The following IL7 variants were observed in gnomAD, a reference collection of about 807,000 sequenced individuals.
IL7 encodes interleukin-7.
IL7 carries 3 observed loss-of-function variants against 21.6 expected under a neutral mutation model. The ratio of observed to expected loss-of-function variants is 0.14; its 90% confidence interval spans 0.06 to 0.36. IL7 has a LOEUF of 0.36. Among genes scored for constraint, IL7 ranks in the 10% least tolerant of loss-of-function variants. The pLI is 1.00. For missense variants in IL7, 175 were observed against 200.2 expected (o/e 0.87, Z 0.76); for synonymous variants, 62 against 68.1 (o/e 0.91, Z 0.44).
intron 5 of IL7, among the ~76,000 whole-genome samples, chr8:78,735,276 C>CTTTTTTTTTTTTTTTTTTTTTTT: frequency 1.7e-4 from 13 of 78,450 alleles, no homozygotes; most frequent in Admixed American, 3.0e-4. Flanking sequence ...CTTTTCTTTT[C>CTTTTTTTTTTTTTTTTTTTTTTT]TTTTTTTTTT....
rs144183025 is a variant in IL7 at position 78,679,548 on chromosome 8, T to G, written n.274-3444A>C. ...ATTCATGGTTGACTGAATCCATGGA[T>G]GCACAAGCCATGAATATGGAACCCA... is the stretch of plus-strand genomic sequence containing the variant. On this transcript the variant is annotated intron_variant and non_coding_transcript_variant, in intron 4 of 4. Transcript: ENST00000523959. Among the ~76,000 whole-genome samples the G allele has an allele frequency of 6.6e-3, 998 of 152,268 alleles. 12 individuals are homozygous for G. The highest frequency in any genetic ancestry group is 0.022 in the African/African-American group (905 of 41,540).
intron 4 of IL7, among the ~76,000 whole-genome samples, chr8:78,737,658 C>T (rs569980863): frequency 6.6e-6 from 1 of 152,164 alleles, no homozygotes; most frequent in African/African-American, 2.4e-5. Flanking sequence ...GATAATCTTA[C>T]CATTTTACCT....
At chr8:78,760,455 G>A (rs1586078284) in intron 2 of IL7, 2 of 1,556,848 alleles carry the variant, frequency 1.3e-6, no homozygotes, top group African/African-American at 2.8e-5. Flanking sequence ...GTGGACGGAA[G>A]CTCTATATCT....
Position 78,727,239 on chromosome 8 carries a change from G to A in IL7, n.268-5799C>T, listed in dbSNP as rs574603024. The stretch of plus-strand genomic sequence containing the variant: ...TCATTGTGATTTGGAGCAAATTCAT[G>A]TGAGACTGTGGTTGTAATTCCTGGC... On this transcript the variant is annotated intron_variant and non_coding_transcript_variant, in intron 3 of 6. Coordinates refer to the IL7 transcript ENST00000519833. 1.4e-4 allele frequency among the ~76,000 whole-genome samples: 22 copies of A among 152,130 alleles called. No homozygotes were observed. The South Asian group carries it at 4.4e-3, about 30-fold the overall frequency.
chr8:78,712,166 A>G (rs979669713), intron 3 of IL7: 6 of 983,708 alleles, frequency 6.1e-6, no homozygotes, highest in Admixed American at 2.8e-5. Flanking sequence ...AAAGCTTTAT[A>G]TAATGGAATA....
chr8:78,675,315 C>G (rs1809545847), downstream of IL7, among the ~76,000 whole-genome samples: 1 of 151,782 alleles, frequency 6.6e-6, no homozygotes, highest in South Asian at 2.1e-4. Flanking sequence ...TAGCATTGTA[C>G]TTTCTATTGT....
In IL7 at chr8:78,755,675, T is replaced by C. The variant is rs537462066; in HGVS notation, c.148-15593A>G. Among the ~76,000 whole-genome samples the C allele has an allele frequency of 1.6e-3, 244 of 152,190 alleles. 2 individuals carry two copies. Among genetic ancestry groups the C allele is most frequent in the African/African-American group, 5.5e-3 (227 of 41,554 alleles). On this transcript the variant is annotated intron_variant, in intron 2 of 5. Transcript: ENST00000263851. Reference sequence around the variant, plus strand: ...AAAAAATGCTACTGATTCTCGTATGTTAATTTTGTATCTGGCAACTTTACT... The same window carrying C: ...AAAAAATGCTACTGATTCTCGTATGCTAATTTTGTATCTGGCAACTTTACT...
intron 1 of IL7, among the ~76,000 whole-genome samples, chr8:78,801,445 T>C (rs775789258): frequency 2.0e-5 from 3 of 152,164 alleles, no homozygotes; most frequent in Non-Finnish European, 4.4e-5. Context: ...AAACAGACTC[T>C]ACTTGGGAGG....
intron 2 of IL7, among the ~76,000 whole-genome samples, chr8:78,781,478 C>T (rs375112943): frequency 1.3e-5 from 2 of 152,134 alleles, no homozygotes; most frequent in Admixed American, 6.6e-5. Context: ...GCTTATGAAG[C>T]TTAGTTTCAC....
At chr8:78,751,102 A>T (rs1563420285) in intron 2 of IL7, among the ~76,000 whole-genome samples, 1 of 151,678 alleles carries the variant, frequency 6.6e-6, no homozygotes, top group Non-Finnish European at 1.5e-5. Flanking sequence ...AAAAAAAAAA[A>T]AACTGATAAA....
chr8:78,751,478 G>T (rs1812170805), intron 2 of IL7, among the ~76,000 whole-genome samples: 2 of 152,168 alleles, frequency 1.3e-5, no homozygotes, highest in Non-Finnish European at 2.9e-5. Flanking sequence ...AAGTAAACCT[G>T]CCTTGCAAGA....
At position 78,780,426 on chromosome 8, in the gene IL7, C is replaced by T. The variant is rs529721406; in HGVS notation, c.147+17646G>A. ...GCTGCATTCCAGAGATTCTGGCACA[C>T]TGCCTCTTTGTTTTCATTGATTTCA... On this transcript the variant is annotated intron_variant, in intron 2 of 5. Coordinates refer to ENST00000263851, the MANE Select transcript of IL7 (RefSeq NM_000880.4). 1.8e-4 allele frequency among the ~76,000 whole-genome samples: 28 copies of T among 152,146 alleles called. No individual in the cohort carries two copies. In the South Asian group the frequency reaches 2.9e-3, roughly 16 times the overall value.
intron 2 of IL7, chr8:78,760,593 T>G (rs1454093300): frequency 6.4e-7 from 1 of 1,560,470 alleles, no homozygotes; most frequent in Non-Finnish European, 8.7e-7. Flanking sequence ...AGTTGTCCCA[T>G]GACTGAGGGT....
chr8:78,732,828 T>A lies in IL7; in HGVS notation c.*885A>T, dbSNP rs1302688383. The A allele has an allele frequency of 1.3e-5, 2 of 152,098 alleles. No individual in the cohort carries two copies. Among genetic ancestry groups the A allele is most frequent in the Non-Finnish European group, 2.9e-5 (2 of 68,002 alleles). 9.4% of individuals were successfully genotyped at this position (152,098 alleles called of 1,614,324 possible). On this transcript the variant is annotated 3_prime_UTR_variant, in exon 6 of 6. Coordinates refer to ENST00000263851, the MANE Select transcript of IL7 (RefSeq NM_000880.4). ...AGAAATGTATTCCAAAGTAAGCAAT[T>A]TGTAATGCTGTATGAAAATATTTTA...
intron 2 of IL7, chr8:78,761,811 C>T: frequency 1.9e-6 from 3 of 1,612,042 alleles, no homozygotes; most frequent in Non-Finnish European, 2.5e-6. Context: ...ATCCGACACT[C>T]CAGTAGTGCC....
intron 4 of IL7, among the ~76,000 whole-genome samples, chr8:78,683,788 A>G (rs1186934691): frequency 2.6e-5 from 4 of 152,128 alleles, no homozygotes; most frequent in Non-Finnish European, 4.4e-5. Flanking sequence ...CCAAACTTAT[A>G]TATTCTGCTT....
intron 2 of IL7, among the ~76,000 whole-genome samples, chr8:78,782,871 C>T (rs1387681829): frequency 6.6e-6 from 1 of 152,126 alleles, no homozygotes; most frequent in Non-Finnish European, 1.5e-5. Flanking sequence ...TGTCCGTAAA[C>T]CCCTGGCTGG....
At chr8:78,698,014 GC>G (rs2130546529) in intron 3 of IL7, among the ~76,000 whole-genome samples, 1 of 152,042 alleles carries the variant, frequency 6.6e-6, no homozygotes, top group African/African-American at 2.4e-5. Flanking sequence ...TTAAATGTTG[GC>G]CCCAGATGTT....
intron 2 of IL7, among the ~76,000 whole-genome samples, chr8:78,744,953 C>G (rs1009365713): frequency 2.0e-5 from 3 of 152,152 alleles, no homozygotes; most frequent in Non-Finnish European, 4.4e-5. Context: ...TGTCGTCCTG[C>G]CTTTGTTTTC....
Sources: gnomAD v4.1 joint callset for allele counts (sites outside exome capture counted in the v4.1 genomes callset) on GRCh38, gnomAD v4.1.1 for gene constraint, MANE v1.5 for transcripts, NCBI Gene and HGNC (gene_info 2026-07-23, HGNC 2026-07-21) for gene names.